Variants in GRB10 observed in about 807,000 individuals in gnomAD.
GRB10 encodes growth factor receptor bound protein 10.
A neutral mutation model predicts 80.9 loss-of-function variants in GRB10; 20 were observed. That is an observed-to-expected ratio of 0.25 (90% CI 0.17 to 0.36). The LOEUF is 0.36. Among genes scored for constraint, GRB10 ranks in the 10% least tolerant of loss-of-function variants. GRB10 has a pLI of 1.00. For synonymous variants in GRB10, 291 were observed against 291.5 expected (o/e 1.00, Z 0.02); for missense variants, 548 against 747.7 (o/e 0.73, Z 3.12).
intron 2 of GRB10, among the ~76,000 whole-genome samples, chr7:50,765,528 C>T (rs1017621010): frequency 6.6e-6 from 1 of 152,142 alleles, no homozygotes; most frequent in African/African-American, 2.4e-5. Context: ...ATGCATTAAC[C>T]TGGAAGACAG....
At chr7:50,593,725 G>C (rs564310616) in intron 18 of GRB10, among the ~76,000 whole-genome samples, 72 of 152,296 alleles carry the variant, frequency 4.7e-4, no homozygotes, top group African/African-American at 1.7e-3. Context: ...GATGACTGTA[G>C]TACAGTGCAA....
chr7:50,733,746 G>A (rs764528219), intron 3 of GRB10, among the ~76,000 whole-genome samples: 5 of 152,170 alleles, frequency 3.3e-5, no homozygotes, highest in Admixed American at 6.5e-5. Flanking sequence ...GGTGTTACAC[G>A]TCAACAGTCC....
intron 1 of GRB10, among the ~76,000 whole-genome samples, chr7:50,790,626 G>T (rs1165932399): frequency 2.0e-5 from 3 of 152,354 alleles, no homozygotes; most frequent in South Asian, 2.1e-4. Flanking sequence ...CTGACAGGCT[G>T]GCAACCTAAC....
chr7:50,615,795 T>C (rs1486926416), intron 11 of GRB10, among the ~76,000 whole-genome samples: 1 of 152,260 alleles, frequency 6.6e-6, no homozygotes, highest in Non-Finnish European at 1.5e-5. Flanking sequence ...TGGGGATACA[T>C]GCAAGCCTGC....
At chr7:50,603,784 C>G (rs7456867) in intron 17 of GRB10, among the ~76,000 whole-genome samples, 145,269 of 152,306 alleles carry the variant, frequency 0.95, 69,624 homozygotes, top group East Asian at 1. Flanking sequence ...TACAGATACA[C>G]TCTGGGCAGA....
At chr7:50,748,813 G>A (rs566931185) in intron 3 of GRB10, among the ~76,000 whole-genome samples, 3 of 152,266 alleles carry the variant, frequency 2.0e-5, no homozygotes, top group South Asian at 4.1e-4. Context: ...TAAAACAATC[G>A]AATTTCATGG....
chr7:50,780,109 ATTCC>A (rs1193043964), intron 2 of GRB10, among the ~76,000 whole-genome samples: 1 of 152,206 alleles, frequency 6.6e-6, no homozygotes, highest in Non-Finnish European at 1.5e-5. Context: ...AACAAAGCCC[ATTCC>A]ACATGAAAAC....
At chr7:50,635,413 T>C (rs2429073) in intron 7 of GRB10, among the ~76,000 whole-genome samples, 80,161 of 151,858 alleles carry the variant, frequency 0.53, 21,293 homozygotes, top group Admixed American at 0.54. Context: ...TAAATGTCTA[T>C]ATCAAAAAGA....
At chr7:50,781,945 A>C (rs1412171366) in intron 1 of GRB10, among the ~76,000 whole-genome samples, 1 of 152,164 alleles carries the variant, frequency 6.6e-6, no homozygotes, top group Non-Finnish European at 1.5e-5. Flanking sequence ...TTTATACCGG[A>C]CTATATGCCA....
chr7:50,673,723 C>T (rs1316957823), intron 6 of GRB10, among the ~76,000 whole-genome samples: 1 of 152,164 alleles, frequency 6.6e-6, no homozygotes, highest in Non-Finnish European at 1.5e-5. Context: ...GGTGTCAAAA[C>T]CCAAACCCAG....
chr7:50,687,287 C>T (rs2062212109), intron 5 of GRB10, among the ~76,000 whole-genome samples: 1 of 152,192 alleles, frequency 6.6e-6, no homozygotes, highest in Non-Finnish European at 1.5e-5. Flanking sequence ...AATCTATTGG[C>T]AGGATACATT....
intron 14 of GRB10, among the ~76,000 whole-genome samples, chr7:50,605,729 T>G (rs1388190163): frequency 6.6e-6 from 1 of 152,002 alleles, no homozygotes; most frequent in Non-Finnish European, 1.5e-5. Context: ...ATCAAAGAAA[T>G]CAACAGCCAG....
At chr7:50,593,982 C>CT (rs753301760) in intron 18 of GRB10, among the ~76,000 whole-genome samples, 74 of 134,346 alleles carry the variant, frequency 5.5e-4, no homozygotes, top group South Asian at 1.9e-3. Flanking sequence ...CCCTTTCTTT[C>CT]TTTTTTTTTT....
chr7:50,623,677 C>A (rs1367858960), intron 8 of GRB10, among the ~76,000 whole-genome samples: 1 of 152,188 alleles, frequency 6.6e-6, no homozygotes, highest in African/African-American at 2.4e-5. Flanking sequence ...TTGGGAACTA[C>A]CCTCACTTTT....
chr7:50,597,175 A>G (rs2046805633), intron 17 of GRB10, among the ~76,000 whole-genome samples: 3 of 152,262 alleles, frequency 2.0e-5, no homozygotes, highest in Non-Finnish European at 4.4e-5. Flanking sequence ...GTAACTGCCT[A>G]GCAGTTTTCC....
intron 4 of GRB10, among the ~76,000 whole-genome samples, chr7:50,720,527 C>T (rs548461406): frequency 6.6e-6 from 1 of 152,230 alleles, no homozygotes; most frequent in African/African-American, 2.4e-5. Context: ...AGAGGACAGG[C>T]ACATCCCGGA....
At chr7:50,764,393 T>C (rs191643594) in intron 2 of GRB10, among the ~76,000 whole-genome samples, 2 of 152,220 alleles carry the variant, frequency 1.3e-5, no homozygotes, top group Non-Finnish European at 2.9e-5. Flanking sequence ...ACTCTATCTG[T>C]CCTGACTACT....
chr7:50,669,985 C>T (rs541212574), intron 6 of GRB10, 122 bp from the exon 7 acceptor site: 17 of 1,222,022 alleles, frequency 1.4e-5, no homozygotes, highest in East Asian at 2.5e-5. Context: ...GGCATGCCCA[C>T]GTTCACAGTG....
chr7:50,608,422 A>G (rs775791125), intron 13 of GRB10, among the ~76,000 whole-genome samples: 3 of 152,262 alleles, frequency 2.0e-5, no homozygotes, highest in Non-Finnish European at 2.9e-5. Flanking sequence ...TCAGGCCCAC[A>G]TGAAAAGAAC....
Sources: allele counts gnomAD v4.1 joint callset (sites outside exome capture counted in the v4.1 genomes callset), GRCh38; gene constraint gnomAD v4.1.1; transcripts MANE v1.5; gene names NCBI Gene and HGNC (gene_info 2026-07-23, HGNC 2026-07-21).